SYT14: variants seen among roughly 807,000 people sequenced by gnomAD.
SYT14 encodes synaptotagmin-14.
In SYT14, 32 loss-of-function variants were observed where a neutral mutation model predicts 74.2. The observed-to-expected ratio is 0.43, with a 90% CI of 0.33 to 0.58. The LOEUF (loss-of-function observed/expected upper bound fraction) is 0.58, where lower values mean the gene tolerates loss of function less well. Among genes scored for constraint, SYT14 ranks in the 20% least tolerant of loss-of-function variants. The pLI is 0.05. For missense variants in SYT14, 791 were observed against 981.8 expected (o/e 0.81, Z 2.60); for synonymous variants, 298 against 337.7 (o/e 0.88, Z 1.29).
rs563051272 is a variant in SYT14 at position 210,065,585 on chromosome 1, C to A, written c.1313-28737C>A. Among the ~76,000 whole-genome samples, 464 of 151,092 alleles carry A rather than the reference C, an allele frequency of 3.1e-3. 6 individuals carry two copies. The highest frequency in any genetic ancestry group is 7.4e-4 in the Non-Finnish European group (50 of 67,722). ...TTTAAATTTTTATTTAAAATTGAGA[C>A]AATTATATTTTGTCTTTTAAAAAAT... On this transcript the variant is annotated intron_variant, in intron 5 of 9. Transcript: ENST00000637265.
chr1:210,063,818 TA>T (rs893949244), intron 5 of SYT14, among the ~76,000 whole-genome samples: 3 of 151,856 alleles, frequency 2.0e-5, no homozygotes, highest in Non-Finnish European at 4.4e-5. Context: ...CTTCCATTCT[TA>T]AACACTCCTA....
intron 7 of SYT14, among the ~76,000 whole-genome samples, chr1:210,140,822 A>G (rs542338090): frequency 3.2e-4 from 49 of 152,136 alleles, no homozygotes; most frequent in African/African-American, 1.2e-3. Flanking sequence ...GTAAGTTTTT[A>G]TTTCTGAACT....
At chr1:210,144,297 A>G (rs888147177) in intron 7 of SYT14, among the ~76,000 whole-genome samples, 4 of 152,208 alleles carry the variant, frequency 2.6e-5, no homozygotes, top group Non-Finnish European at 5.9e-5. Flanking sequence ...CCAAGATACA[A>G]ATAATAATAC....
At chr1:210,100,933 C>T (rs1335022642) in intron 7 of SYT14, among the ~76,000 whole-genome samples, 4 of 152,108 alleles carry the variant, frequency 2.6e-5, no homozygotes, top group African/African-American at 4.8e-5. Context: ...TCCAGAACTT[C>T]TGTGAAATTA....
rs894693899 is a variant in SYT14, at chr1:209,989,105, C to A, written c.-485-24528C>A. On this transcript the variant is annotated intron_variant, in intron 2 of 9. Coordinates refer to ENST00000637265, the Ensembl canonical transcript of SYT14. ...GAATGATCACTCCTTTATTGCCCAT[C>A]TTCAGTGTCTTGAGTGCCATTGTTT... Among the ~76,000 whole-genome samples, 8 of 152,170 alleles carry A rather than the reference C, an allele frequency of 5.3e-5. 1 individual carries two copies. The highest frequency in any genetic ancestry group is 8.8e-5 in the Non-Finnish European group (6 of 68,028).
At chr1:210,165,638 TTTATTTA>T (rs1375634141) in exon 10 of SYT14, 1 of 152,184 alleles carries the variant, frequency 6.6e-6, no homozygotes, top group East Asian at 1.9e-4. Context: ...CTCATTGCAA[TTTATTTA>T]TGTTTTATTC....
intron 2 of SYT14, among the ~76,000 whole-genome samples, chr1:209,970,410 C>T (rs1455299434): frequency 2.0e-5 from 3 of 151,932 alleles, no homozygotes; most frequent in Middle Eastern, 3.2e-3. Flanking sequence ...GTTCTGTCCT[C>T]TTGGTCTATG....
chr1:209,962,789 T>C (rs751297639), intron 2 of SYT14, among the ~76,000 whole-genome samples: 5 of 152,010 alleles, frequency 3.3e-5, no homozygotes, highest in Non-Finnish European at 7.4e-5. Context: ...GTAATCCAAA[T>C]AAAAATGGAG....
chr1:209,942,171 C>T lies in SYT14; in HGVS notation c.-534+3894C>T, dbSNP rs188323819. Among the ~76,000 whole-genome samples the T allele has an allele frequency of 1.6e-4, 25 of 152,230 alleles. No homozygotes were observed. The East Asian group carries it at 4.0e-3, about 25-fold the overall frequency. On this transcript the variant is annotated intron_variant, in intron 1 of 9. Transcript: ENST00000637265. The stretch of plus-strand genomic sequence containing the variant: ...CATTGTTTCGTGGAATTCTGAACAT[C>T]GTCATCATAAATTATGCCATTGTCC...
intron 2 of SYT14, among the ~76,000 whole-genome samples, chr1:209,986,714 C>T (rs1361339741): frequency 2.0e-5 from 3 of 152,090 alleles, no homozygotes; most frequent in South Asian, 4.2e-4. Context: ...ACCTCTGCCT[C>T]CCGGGTTCAA....
At chr1:210,071,962 A>T (rs555305950) in intron 5 of SYT14, among the ~76,000 whole-genome samples, 7 of 151,940 alleles carry the variant, frequency 4.6e-5, no homozygotes, top group South Asian at 2.1e-4. Context: ...TTACTGAAGA[A>T]CTCAAAACTC....
chr1:210,064,591 G>C (rs994617729), intron 5 of SYT14, among the ~76,000 whole-genome samples: 4 of 151,916 alleles, frequency 2.6e-5, no homozygotes, highest in African/African-American at 9.7e-5. Context: ...TATTGTACCA[G>C]GTATTATTTC....
At chr1:210,090,638 A>G (rs1479343786) in intron 5 of SYT14, among the ~76,000 whole-genome samples, 1 of 152,208 alleles carries the variant, frequency 6.6e-6, no homozygotes, top group African/African-American at 2.4e-5. Context: ...AAATTAGGTA[A>G]TAAAGCAGGA....
chr1:210,007,061 A>G (rs2080002596), intron 2 of SYT14, among the ~76,000 whole-genome samples: 1 of 151,976 alleles, frequency 6.6e-6, no homozygotes, highest in East Asian at 1.9e-4. Flanking sequence ...ATTTTTTTCA[A>G]TGACCAACTT....
chr1:210,035,643 T>C (rs1259187847), intron 5 of SYT14, among the ~76,000 whole-genome samples: 1 of 152,110 alleles, frequency 6.6e-6, no homozygotes, highest in East Asian at 1.9e-4. Flanking sequence ...AGCAGAGGAA[T>C]GGAAATCCAA....
chr1:210,071,833 C>G (rs1163459267), intron 5 of SYT14, among the ~76,000 whole-genome samples: 1 of 151,912 alleles, frequency 6.6e-6, no homozygotes. Context: ...CAAGTTAACA[C>G]TTAACCTTGA....
intron 7 of SYT14, among the ~76,000 whole-genome samples, chr1:210,121,607 A>T (rs993567003): frequency 6.6e-6 from 1 of 152,084 alleles, no homozygotes; most frequent in African/African-American, 2.4e-5. Context: ...ATCCTGGCTA[A>T]CATGGTGAAA....
intron 2 of SYT14, among the ~76,000 whole-genome samples, chr1:209,953,617 C>G (rs563299630): frequency 3.5e-4 from 54 of 152,264 alleles, no homozygotes; most frequent in African/African-American, 1.3e-3. Context: ...AGGAAAATAT[C>G]AGCATGTTTT....
chr1:209,965,869 T>G, intron 2 of SYT14: 1 of 453,394 alleles, frequency 2.2e-6, no homozygotes. Flanking sequence ...CGGTTTATTT[T>G]TGAACTTCTT....
Sources: allele counts gnomAD v4.1 joint callset (sites outside exome capture counted in the v4.1 genomes callset), GRCh38; gene constraint gnomAD v4.1.1; transcripts MANE v1.5; gene names NCBI Gene and HGNC (gene_info 2026-07-23, HGNC 2026-07-21).